The following PRKG2 variants were observed in gnomAD, a reference collection of about 807,000 sequenced individuals.
PRKG2 encodes the protein protein kinase cGMP-dependent 2.
In PRKG2, 33 loss-of-function variants were observed where a neutral mutation model predicts 97.2. The observed-to-expected ratio is 0.34, with a 90% CI of 0.26 to 0.45. PRKG2 has a LOEUF of 0.45. PRKG2 is among the 20% of genes least tolerant of loss of function. The pLI, the probability that PRKG2 is intolerant of heterozygous loss-of-function variation, is 1.00. For missense variants in PRKG2, 638 were observed against 900.0 expected, an observed-to-expected ratio of 0.71 and a Z score of 3.73; for synonymous variants, 330 against 321.8, an observed-to-expected ratio of 1.03 and a Z score of -0.27.
chr4:81,114,518 T>A (rs1454115662), intron 14 of PRKG2, among the ~76,000 whole-genome samples: 1 of 152,146 alleles, frequency 6.6e-6, no homozygotes, highest in East Asian at 1.9e-4. Context: ...AGCACATTGG[T>A]GAGAGAAACT....
chr4:81,196,680 G>A (rs1399976008), intron 2 of PRKG2, among the ~76,000 whole-genome samples: 1 of 151,700 alleles, frequency 6.6e-6, no homozygotes, highest in Admixed American at 6.6e-5. Context: ...CAGATGTTGG[G>A]GGACCCTGAT....
chr4:81,153,736 G>T lies in PRKG2; in HGVS notation c.913-15C>A. ...TCATAGTATTCCTGTTGGGATGAGAGAGAAAGAAAATGTAAGAGCGGGTGG... is the reference window on the plus strand; with the variant it reads ...TCATAGTATTCCTGTTGGGATGAGATAGAAAGAAAATGTAAGAGCGGGTGG... On this transcript the variant is annotated splice_polypyrimidine_tract_variant and intron_variant, in intron 6 of 18. Coordinates refer to ENST00000264399, the MANE Select transcript of PRKG2 (RefSeq NM_006259.3). The T allele has an allele frequency of 6.3e-7, 1 of 1,580,188 alleles. No individual in the cohort carries two copies.
At chr4:81,182,278 T>C (rs1429196742) in intron 2 of PRKG2, among the ~76,000 whole-genome samples, 7 of 151,852 alleles carry the variant, frequency 4.6e-5, no homozygotes, top group African/African-American at 1.7e-4. Context: ...ATGAAAAGAA[T>C]AAAGGAGAAA....
At chr4:81,212,294 C>T (rs1402310106) in intron 1 of PRKG2, among the ~76,000 whole-genome samples, 1 of 151,162 alleles carries the variant, frequency 6.6e-6, no homozygotes, top group African/African-American at 2.4e-5. Flanking sequence ...TCCCTCCCAC[C>T]CCCCCAGCAG....
At chr4:81,125,060 CTCTAT>C (rs1310686018) in intron 14 of PRKG2, among the ~76,000 whole-genome samples, 3 of 151,978 alleles carry the variant, frequency 2.0e-5, no homozygotes, top group Non-Finnish European at 4.4e-5. Context: ...GTTTTTATGT[CTCTAT>C]TCTATGTAAA....
intron 17 of PRKG2, among the ~76,000 whole-genome samples, chr4:81,099,515 C>T (rs922244882): frequency 5.9e-5 from 9 of 152,144 alleles, no homozygotes; most frequent in East Asian, 1.9e-4. Flanking sequence ...TTCAACAACG[C>T]TTCATGCTAA....
chr4:81,107,174 G>T (rs1456456312), intron 15 of PRKG2, among the ~76,000 whole-genome samples: 1 of 152,138 alleles, frequency 6.6e-6, no homozygotes, highest in Non-Finnish European at 1.5e-5. Context: ...GTGCAGAGCG[G>T]GTTATGGGGA....
chr4:81,091,340 T>C (rs1252148406), intron 18 of PRKG2, among the ~76,000 whole-genome samples: 1 of 152,140 alleles, frequency 6.6e-6, no homozygotes, highest in Admixed American at 6.5e-5. Context: ...TGGAGTGCAG[T>C]GGCGTGATCT....
At chr4:81,136,591 C>T (rs1746723416) in intron 13 of PRKG2, among the ~76,000 whole-genome samples, 1 of 152,148 alleles carries the variant, frequency 6.6e-6, no homozygotes, top group African/African-American at 2.4e-5. Context: ...CCTGCTTTGT[C>T]TTAAAGCAGT....
At chr4:81,203,861 G>C (rs1753474361) in intron 2 of PRKG2, among the ~76,000 whole-genome samples, 1 of 152,124 alleles carries the variant, frequency 6.6e-6, no homozygotes, top group Non-Finnish European at 1.5e-5. Context: ...CCTGGTTCAT[G>C]CTCCTTGAAG....
intron 6 of PRKG2, among the ~76,000 whole-genome samples, chr4:81,164,025 A>G (rs533690917): frequency 1.8e-4 from 27 of 152,264 alleles, no homozygotes; most frequent in African/African-American, 5.5e-4. Flanking sequence ...ACACCTCAGA[A>G]GTTTTAAGGC....
intron 2 of PRKG2, among the ~76,000 whole-genome samples, chr4:81,194,352 G>A (rs1006847698): frequency 6.6e-6 from 1 of 151,248 alleles, no homozygotes; most frequent in Admixed American, 6.6e-5. Context: ...AACAGGATAC[G>A]CATCTCTATT....
At chr4:81,175,270 T>G (rs1209819184) in intron 2 of PRKG2, among the ~76,000 whole-genome samples, 3 of 152,118 alleles carry the variant, frequency 2.0e-5, no homozygotes, top group Admixed American at 2.0e-4. Context: ...GACACATGAT[T>G]TTTTAGATGG....
At chr4:81,119,698 G>A (rs548660567) in intron 14 of PRKG2, among the ~76,000 whole-genome samples, 20 of 150,510 alleles carry the variant, frequency 1.3e-4, no homozygotes, top group South Asian at 8.4e-4. Flanking sequence ...TTTTTTAGGC[G>A]GAGTCTTGCT....
chr4:81,165,871 C>G (rs1749937510), intron 6 of PRKG2, among the ~76,000 whole-genome samples: 2 of 151,904 alleles, frequency 1.3e-5, no homozygotes, highest in Admixed American at 1.3e-4. Flanking sequence ...ACATAGAAAT[C>G]CCCTCTGGTG....
At chr4:81,189,092 A>AAAAAAAAAAAAAAAT (rs1752225194) in intron 2 of PRKG2, among the ~76,000 whole-genome samples, 1 of 116,876 alleles carries the variant, frequency 8.6e-6, no homozygotes, top group African/African-American at 5.2e-5. Flanking sequence ...AAAAAAAAAA[A>AAAAAAAAAAAAAAAT]GAAGCTAGCA....
rs374009444 is a variant in PRKG2, at chr4:81,191,698, G to A, written c.461+12889C>T. Reference sequence around the variant, plus strand: ...ACAGTTGTACTACAGAGCTATGGGAGATAAACAGACCTCAACAGAAAATAT... The same window carrying A: ...ACAGTTGTACTACAGAGCTATGGGAAATAAACAGACCTCAACAGAAAATAT... On this transcript the variant is annotated intron_variant, in intron 2 of 18. Transcript: ENST00000264399. 6.2e-4 allele frequency among the ~76,000 whole-genome samples: 95 copies of A among 152,186 alleles called. 2 individuals carry two copies. The highest frequency in any genetic ancestry group is 2.2e-3 in the African/African-American group (93 of 41,550).
chr4:81,105,814 T>A lies in PRKG2; in HGVS notation c.2062A>T (p.Arg688Trp). The A allele has an allele frequency of 6.2e-7, 1 of 1,613,736 alleles. No individual in the cohort carries two copies. Among genetic ancestry groups the A allele is most frequent in the Non-Finnish European group, 8.5e-7 (1 of 1,179,714 alleles). The change falls in exon 16 of 19, where the codon AGG (arginine) becomes TGG (tryptophan). Residue 688 changes from arginine to tryptophan, a missense_variant and splice_region_variant. Transcript: ENST00000264399. ...RPEDLIRRLC[R>W]QNPTERLGNL... ...GGGGTTACTGACTGTCATTCTCACC[T>A]GCAAAGCCTCCGAATCAAATCCTCA...
chr4:81,136,495 C>T (rs1260842142), intron 13 of PRKG2, among the ~76,000 whole-genome samples: 1 of 152,158 alleles, frequency 6.6e-6, no homozygotes, highest in Non-Finnish European at 1.5e-5. Context: ...CGCCAACCCA[C>T]GTTCTCATGT....
Sources: allele counts gnomAD v4.1 joint callset (sites outside exome capture counted in the v4.1 genomes callset), GRCh38; gene constraint gnomAD v4.1.1; transcripts MANE v1.5; gene names NCBI Gene and HGNC (gene_info 2026-07-23, HGNC 2026-07-21).